The following SCIN variants were observed in gnomAD, a reference collection of about 807,000 sequenced individuals.
The protein encoded by SCIN is adseverin.
Under a neutral mutation model 91.8 loss-of-function variants are expected in SCIN, and 91 were observed. The ratio of observed to expected loss-of-function variants is 0.99; its 90% CI spans 0.84 to 1.18. The LOEUF is 1.18. Among genes scored for constraint, SCIN ranks in the 50% most tolerant of loss-of-function variants. The pLI is 0.00. For missense variants in SCIN, 1,087 were observed against 863.9 expected (o/e 1.26, Z -3.24); for synonymous variants, 367 against 312.6 (o/e 1.17, Z -1.84).
chr7:12,582,308 G>A lies in SCIN; in HGVS notation c.516+1087G>A, dbSNP rs186262891. Among the ~76,000 whole-genome samples the A allele has an allele frequency of 1.2e-4, 19 of 152,154 alleles. No homozygotes were observed. The East Asian group carries it at 3.7e-3, about 29-fold the overall frequency. ...AGCTTATTCCATCTGCATAGAGGAGGGCACAAAAGATTCTGAAAATAGAGT... is the reference window on the plus strand; with the variant it reads ...AGCTTATTCCATCTGCATAGAGGAGAGCACAAAAGATTCTGAAAATAGAGT... On this transcript the variant is annotated intron_variant, in intron 3 of 15. Transcript: ENST00000297029.
intron 2 of SCIN, among the ~76,000 whole-genome samples, chr7:12,578,616 C>T (rs1056284107): frequency 2.0e-5 from 3 of 151,924 alleles, no homozygotes; most frequent in African/African-American, 7.3e-5. Flanking sequence ...GTAACCTAAG[C>T]CTTCAAAATC....
chr7:12,625,194 T>C (rs1254694949), intron 6 of SCIN, 52 bp downstream of exon 6: 3 of 1,431,948 alleles, frequency 2.1e-6, no homozygotes, highest in Non-Finnish European at 2.8e-6. Flanking sequence ...ATATTTCCTC[T>C]ATAAGGGTAA....
Position 12,582,991 on chromosome 7 carries a change from T to C in SCIN, c.516+1770T>C, listed in dbSNP as rs144055199. Among the ~76,000 whole-genome samples the C allele has an allele frequency of 4.1e-3, 618 of 152,286 alleles. 5 individuals carry two copies. Among genetic ancestry groups the C allele is most frequent in the African/African-American group, 0.014 (585 of 41,566 alleles). ...AGTTCTCATTCCAGTTGCTGTACTCTGAGGTTCTCATCTGTAAAAGCAAAT... is the reference window on the plus strand; with the variant it reads ...AGTTCTCATTCCAGTTGCTGTACTCCGAGGTTCTCATCTGTAAAAGCAAAT... On this transcript the variant is annotated intron_variant, in intron 3 of 15. Transcript: ENST00000297029.
chr7:12,659,406 G>A lies in SCIN; in HGVS notation c.*6691G>A, dbSNP rs1223043201. ...AAAACCAGAAGCCAGAAATCAGGTA[G>A]CTAGATTTGTCCATGAAAGCAGGAG... On this transcript the variant is annotated 3_prime_UTR_variant, in exon 16 of 16. Transcript: ENST00000297029. 6.6e-6 allele frequency: 1 copy of A among 152,226 alleles called. No homozygotes were observed. Among genetic ancestry groups the A allele is most frequent in the African/African-American group, 2.4e-5 (1 of 41,440 alleles). 9.4% of individuals were successfully genotyped at this position (152,226 alleles called of 1,614,324 possible). A position where few individuals can be genotyped will look rare whatever the true frequency, so the allele number is the denominator to read the frequency against.
rs181924830 is a variant in SCIN at position 12,616,396 on chromosome 7, C to T, written c.667-6405C>T. On this transcript the variant is annotated intron_variant, in intron 4 of 15. Transcript: ENST00000297029. ...TTTGGCCCCTTCTTGCTCTCTTGCT[C>T]TCCATGTTCTCTTGCCTTTCTTCCT... is the stretch of plus-strand genomic sequence containing the variant. 3.9e-4 allele frequency among the ~76,000 whole-genome samples: 59 copies of T among 152,220 alleles called. No individual in the cohort carries two copies. The East Asian group carries it at 0.011, about 27-fold the overall frequency.
intron 4 of SCIN, among the ~76,000 whole-genome samples, chr7:12,606,468 T>G (rs1293765047): frequency 2.0e-5 from 3 of 152,216 alleles, no homozygotes; most frequent in Admixed American, 2.0e-4. Flanking sequence ...AATAACTTTA[T>G]GTATTGTAAT....
intron 3 of SCIN, chr7:12,589,669 C>G (rs1782676671): frequency 6.6e-6 from 1 of 152,228 alleles, no homozygotes; most frequent in Non-Finnish European, 1.5e-5. Context: ...TGAAGTGTCA[C>G]TGCTGCTTAA....
intron 15 of SCIN, among the ~76,000 whole-genome samples, chr7:12,652,155 T>C (rs563599973): frequency 1.2e-4 from 18 of 152,366 alleles, no homozygotes; most frequent in Non-Finnish European, 2.4e-4. Flanking sequence ...CTTAAATTAA[T>C]TTCAACCCTT....
In SCIN at chr7:12,652,958, A is replaced by C. The variant is rs1402212274; in HGVS notation, c.*243A>C. 2 of 371,830 alleles carry C rather than the reference A, an allele frequency of 5.4e-6. No individual in the cohort carries two copies. The highest frequency in any genetic ancestry group is 1.5e-4 in the East Asian group (2 of 13,700). The allele number at this position is 371,830 out of a possible 1,614,324, so 23.0% of individuals were successfully genotyped here. On this transcript the variant is annotated 3_prime_UTR_variant, in exon 16 of 16. Coordinates refer to ENST00000297029, the MANE Select transcript of SCIN (RefSeq NM_001112706.3). ...CCTCTACTAAAAATACAAAAAAATT[A>C]GCTGCGCGTGGTGGTGCACGCCTGT...
chr7:12,593,192 A>T (rs895742563), intron 3 of SCIN, among the ~76,000 whole-genome samples: 7 of 152,222 alleles, frequency 4.6e-5, no homozygotes, highest in Admixed American at 1.3e-4. Context: ...AACAAGGCCC[A>T]GGAGGTTTGC....
At chr7:12,585,448 C>T (rs1782568047) in intron 3 of SCIN, among the ~76,000 whole-genome samples, 1 of 152,108 alleles carries the variant, frequency 6.6e-6, no homozygotes, top group African/African-American at 2.4e-5. Context: ...TCATCCCCAC[C>T]CAGAGCTTCA....
In SCIN at chr7:12,659,575, A is replaced by G. The variant is rs1383809069; in HGVS notation, c.*6860A>G. On this transcript the variant is annotated 3_prime_UTR_variant, in exon 16 of 16. Coordinates refer to ENST00000297029, the MANE Select transcript of SCIN (RefSeq NM_001112706.3). The stretch of plus-strand genomic sequence containing the variant: ...AGGATAAGTATATCCATGGTCATCC[A>G]GGGGAAGAAAATGGCGTACATAACT... The G allele has an allele frequency of 6.6e-6, 1 of 152,298 alleles. No homozygotes were observed. The highest frequency in any genetic ancestry group is 2.4e-5 in the African/African-American group (1 of 41,462). The allele number at this position is 152,298 out of a possible 1,614,324, so 9.4% of individuals were successfully genotyped here.
At chr7:12,596,371 G>T (rs1005615900) in intron 3 of SCIN, 16 of 455,324 alleles carry the variant, frequency 3.5e-5, no homozygotes, top group African/African-American at 2.8e-4. Flanking sequence ...AGTGCAATAG[G>T]TGTGGACCAT....
chr7:12,605,905 C>A (rs1013488023), intron 4 of SCIN, among the ~76,000 whole-genome samples: 1 of 152,116 alleles, frequency 6.6e-6, no homozygotes, highest in African/African-American at 2.4e-5. Flanking sequence ...TCTATAGACC[C>A]TGCATCATTT....
At position 12,570,902 on chromosome 7, in the gene SCIN, A is replaced by T; in HGVS notation, c.116A>T (p.Asp39Val). The part of the protein sequence containing the change: ...LVPVPQSAHG[D>V]FYVGDAYLVL... ...CCCGTGCCCCAGAGCGCTCACGGCGACTTCTACGTCGGGGATGCCTACCTG... is the reference window on the plus strand; with the variant it reads ...CCCGTGCCCCAGAGCGCTCACGGCGTCTTCTACGTCGGGGATGCCTACCTG... Residue 39 changes from aspartate to valine, a missense_variant, in exon 1 of 16, where the codon GAC (aspartate) becomes GTC (valine). Transcript: ENST00000297029. 6.4e-7 allele frequency: 1 copy of T among 1,551,492 alleles called. No individual in the cohort carries two copies. Among genetic ancestry groups the T allele is most frequent in the Non-Finnish European group, 8.7e-7 (1 of 1,146,956 alleles).
At chr7:12,605,144 C>A (rs1012068082) in intron 4 of SCIN, among the ~76,000 whole-genome samples, 1 of 152,084 alleles carries the variant, frequency 6.6e-6, no homozygotes, top group South Asian at 2.1e-4. Flanking sequence ...CTCTGCCTCC[C>A]GGGTTCACGC....
At position 12,657,250 on chromosome 7, in the gene SCIN, A is replaced by C. The variant is rs1784178977; in HGVS notation, c.*4535A>C. ...TTTTTTTTTTTTGAGATAGGTTCTC[A>C]CTCTGTTGCCCAGGCTGGAGTACAG... is the stretch of plus-strand genomic sequence containing the variant. On this transcript the variant is annotated 3_prime_UTR_variant, in exon 16 of 16. Coordinates refer to ENST00000297029, the MANE Select transcript of SCIN (RefSeq NM_001112706.3). 8.8e-6 allele frequency: 1 copy of C among 113,284 alleles called. No individual in the cohort carries two copies. The highest frequency in any genetic ancestry group is 1.3e-4 in the Admixed American group (1 of 7,872). 7.0% of individuals were successfully genotyped at this position (113,284 alleles called of 1,614,324 possible). A position where few individuals can be genotyped will look rare whatever the true frequency, so the allele number is the denominator to read the frequency against.
In SCIN at chr7:12,657,572, ATTTTT is replaced by A. The variant is rs71030521; in HGVS notation, c.*4879_*4883del. ...TATATATATATATATATATATATAT[ATTTTT>A]TTTTTTTTTTTTTTTTTTTTTGCAT... is the stretch of plus-strand genomic sequence containing the variant. On this transcript the variant is annotated 3_prime_UTR_variant, in exon 16 of 16. Coordinates refer to ENST00000297029, the MANE Select transcript of SCIN (RefSeq NM_001112706.3). 18 of 22,056 alleles carry A rather than the reference ATTTTT, an allele frequency of 8.2e-4. No homozygotes were observed. The highest frequency in any genetic ancestry group is 4.0e-3 in the East Asian group (1 of 252). The allele number at this position is 22,056 out of a possible 1,614,324, so 1.4% of individuals were successfully genotyped here.
At position 12,592,012 on chromosome 7, in the gene SCIN, T is replaced by G. The variant is rs146288545; in HGVS notation, c.516+10791T>G. On this transcript the variant is annotated intron_variant, in intron 3 of 15. Transcript: ENST00000297029. ...ATTGAAGATGACTGGGAGACAGGTT[T>G]AAGGAAGTAAGGTTTCGGGCTAGAG... Among the ~76,000 whole-genome samples, 230 of 152,212 alleles carry G rather than the reference T, an allele frequency of 1.5e-3. 1 individual carries two copies. In the Middle Eastern group the frequency reaches 0.02, roughly 14 times the overall value.
Sources: gnomAD v4.1 joint callset for allele counts (sites outside exome capture counted in the v4.1 genomes callset) on GRCh38, gnomAD v4.1.1 for gene constraint, MANE v1.5 for transcripts, NCBI Gene and HGNC (gene_info 2026-07-23, HGNC 2026-07-21) for gene names.